The following NOS1 variants were observed in gnomAD, a reference collection of about 807,000 sequenced individuals.
NOS1 encodes the protein nitric oxide synthase 1, also known as NOS type I.
In NOS1, 51 loss-of-function variants were observed where a neutral mutation model predicts 164.5. The observed-to-expected ratio is 0.31, with a 90% CI of 0.25 to 0.39. The LOEUF is 0.39. NOS1 is among the 10% of genes least tolerant of loss of function. NOS1 has a pLI of 1.00. For synonymous variants in NOS1, 719 were observed against 745.8 expected, an observed-to-expected ratio of 0.96 and a Z score of 0.59; for missense variants, 1,362 against 1,885.6, an observed-to-expected ratio of 0.72 and a Z score of 5.14.
At chr12:117,326,385 C>CAA (rs746345561) in intron 2 of NOS1, among the ~76,000 whole-genome samples, 1 of 25,876 alleles carries the variant, frequency 3.9e-5, no homozygotes, top group Non-Finnish European at 6.8e-5. Context: ...GACTCTGTCT[C>CAA]AAAAAAAAAA....
intron 27 of NOS1, among the ~76,000 whole-genome samples, chr12:117,218,888 G>C (rs1211792048): frequency 6.6e-6 from 1 of 152,096 alleles, no homozygotes; most frequent in East Asian, 1.9e-4. Context: ...GGCAGTGGTT[G>C]GGAGTGTGCG....
At position 117,293,279 on chromosome 12, in the gene NOS1, G is replaced by C. The variant is rs1050549270; in HGVS notation, c.853-2853C>G. ...GGTGCTAGGATTCATAATCTTCCAC[G>C]GCTCCTGGCCCTCGCCAGATCTGGT... is the stretch of plus-strand genomic sequence containing the variant. On this transcript the variant is annotated intron_variant, in intron 3 of 28. Transcript: ENST00000317775. 2.0e-5 allele frequency among the ~76,000 whole-genome samples: 3 copies of C among 152,276 alleles called. No individual in the cohort carries two copies. The East Asian group carries it at 5.8e-4, about 29-fold the overall frequency.
Position 117,234,777 on chromosome 12 carries a change from G to C in NOS1, c.3042-19C>G, listed in dbSNP as rs1300620162. 6.3e-7 allele frequency: 1 copy of C among 1,597,980 alleles called. No homozygotes were observed. Among genetic ancestry groups the C allele is most frequent in the Non-Finnish European group, 8.6e-7 (1 of 1,168,502 alleles). Reference sequence around the variant, plus strand: ...TGACCGACTGCAGGAAATTGCAGAGGAATCATAGGACAAGGGCCAGCAGCT... The same window carrying C: ...TGACCGACTGCAGGAAATTGCAGAGCAATCATAGGACAAGGGCCAGCAGCT... On this transcript the variant is annotated intron_variant, in intron 20 of 28. Transcript: ENST00000317775. This position sits in a 1 kb window ranked among gnomAD's most constrained non-coding sequence, Gnocchi z 4.3.
At position 117,215,166 on chromosome 12, in the gene NOS1, G is replaced by A; in HGVS notation, c.*143C>T. 1 of 1,330,584 alleles carries A rather than the reference G, an allele frequency of 7.5e-7. No individual in the cohort carries two copies. Among genetic ancestry groups the A allele is most frequent in the Non-Finnish European group, 9.7e-7 (1 of 1,030,702 alleles). The allele number at this position is 1,330,584 out of a possible 1,614,324, so 82.4% of individuals were successfully genotyped here. A position where few individuals can be genotyped will look rare whatever the true frequency, so the allele number is the denominator to read the frequency against. ...AGGAGGGCCGAGGAAACCACTGAGGGGCGAGAAGCCCGAGGAGGGAAACCA... is the reference window on the plus strand; with the variant it reads ...AGGAGGGCCGAGGAAACCACTGAGGAGCGAGAAGCCCGAGGAGGGAAACCA... On this transcript the variant is annotated 3_prime_UTR_variant, in exon 29 of 29. Transcript: ENST00000317775.
chr12:117,276,866 C>CT (rs1389095766), intron 9 of NOS1, among the ~76,000 whole-genome samples: 1 of 152,108 alleles, frequency 6.6e-6, no homozygotes, highest in Non-Finnish European at 1.5e-5. Context: ...GCCACATTTT[C>CT]TTTATCTATT....
At position 117,288,131 on chromosome 12, in the gene NOS1, C is replaced by T. The variant is rs1872825166; in HGVS notation, c.1070G>A (p.Gly357Glu). The T allele has an allele frequency of 6.2e-7, 1 of 1,614,066 alleles. No individual in the cohort carries two copies. The highest frequency in any genetic ancestry group is 1.3e-5 in the African/African-American group (1 of 74,924). The stretch of plus-strand genomic sequence containing the variant: ...CTCTTTGGCGAGAGGGAAGAGCTGT[C>T]CTTTTGTGCGGACGTCTTCAGGCCT... ...ARRPEDVRTK[G>E]QLFPLAKEFI... Residue 357 changes from glycine (G) to glutamate (E), a missense_variant, in exon 5 of 29, where the codon GGA becomes GAA. Physicochemically the swap from Gly to Glu is moderately conservative, Grantham distance 98 (BLOSUM62 -2). Transcript: ENST00000317775.
Position 117,243,541 on chromosome 12 carries a change from C to CCA in NOS1, c.2824-107_2824-106insTG. 8.0e-7 allele frequency: 1 copy of CCA among 1,253,196 alleles called. No individual in the cohort carries two copies. Among genetic ancestry groups the CCA allele is most frequent in the Non-Finnish European group, 1.1e-6 (1 of 899,136 alleles). 77.6% of individuals were successfully genotyped at this position (1,253,196 alleles called of 1,614,324 possible). ...TCTCTTCATTCACCCATCCATCCATCTATCCAACCATCCATCCATCCATCC... is the reference window on the plus strand; with the variant it reads ...TCTCTTCATTCACCCATCCATCCATCCATATCCAACCATCCATCCATCCATCC... On this transcript the variant is annotated intron_variant, in intron 18 of 28. Coordinates refer to ENST00000317775, the MANE Select transcript of NOS1 (RefSeq NM_000620.5). The surrounding 1 kb of genome is among the most constrained non-coding windows in gnomAD (Gnocchi z 4.3).
rs946728790 is a variant in NOS1, at chr12:117,234,919, T to G, written c.3042-161A>C. 6.6e-6 allele frequency among the ~76,000 whole-genome samples: 1 copy of G among 151,832 alleles called. No individual in the cohort carries two copies. The highest frequency in any genetic ancestry group is 2.4e-5 in the African/African-American group (1 of 41,312). On this transcript the variant is annotated intron_variant, in intron 20 of 28. Transcript: ENST00000317775. The surrounding 1 kb of genome is among the most constrained non-coding windows in gnomAD (Gnocchi z 4.3). Reference sequence around the variant, plus strand: ...GCCCCCATCATTCTATTATTATTATTATTATTATTATTATGGTGAGATAGG... The same window carrying G: ...GCCCCCATCATTCTATTATTATTATGATTATTATTATTATGGTGAGATAGG...
intron 2 of NOS1, among the ~76,000 whole-genome samples, chr12:117,328,959 G>C (rs1875396046): frequency 6.6e-6 from 1 of 152,194 alleles, no homozygotes; most frequent in Non-Finnish European, 1.5e-5. Flanking sequence ...GCATGTGACT[G>C]TACGGAATGC....
intron 3 of NOS1, among the ~76,000 whole-genome samples, chr12:117,295,108 A>T (rs1005545377): frequency 3.3e-5 from 5 of 152,070 alleles, no homozygotes; most frequent in Non-Finnish European, 5.9e-5. Flanking sequence ...GTGCATATTG[A>T]GCACCTACTA....
chr12:117,244,087 A>G (rs940329528), intron 18 of NOS1, among the ~76,000 whole-genome samples: 2 of 152,230 alleles, frequency 1.3e-5, no homozygotes, highest in African/African-American at 2.4e-5. Context: ...GAAAGTAAAC[A>G]TCTCAGAATT....
chr12:117,271,409 C>T (rs1356063354), intron 10 of NOS1, among the ~76,000 whole-genome samples: 2 of 152,084 alleles, frequency 1.3e-5, no homozygotes, highest in Non-Finnish European at 2.9e-5. Flanking sequence ...TTCTGAGTAG[C>T]TGGGATTATA....
chr12:117,300,120 T>C (rs1194495558), intron 3 of NOS1, among the ~76,000 whole-genome samples: 2 of 152,088 alleles, frequency 1.3e-5, no homozygotes, highest in Non-Finnish European at 2.9e-5. Context: ...GAAATGGAAA[T>C]AGGCTGGGGC....
Position 117,259,350 on chromosome 12 carries a change from G to A in NOS1, c.2368-220C>T, listed in dbSNP as rs9658430. Among the ~76,000 whole-genome samples, 748 of 152,288 alleles carry A rather than the reference G, an allele frequency of 4.9e-3. 3 individuals carry two copies. The highest frequency in any genetic ancestry group is 0.017 in the African/African-American group (721 of 41,548). On this transcript the variant is annotated intron_variant, in intron 14 of 28. Coordinates refer to ENST00000317775, the MANE Select transcript of NOS1 (RefSeq NM_000620.5). ...GTAGAACTAAACGCTTTTTGGTAGC[G>A]TGGGACCTTGCTATGGTCACTGTGG...
chr12:117,348,017 A>ATTTTTTT (rs5801226), intron 1 of NOS1: 1 of 101,878 alleles, frequency 9.8e-6, no homozygotes, highest in Non-Finnish European at 1.9e-5. Context: ...GATCCCCTAC[A>ATTTTTTT]TTTTTTTTTT....
rs546432440 is a variant in NOS1, at chr12:117,212,301, C to T, written c.*3008G>A. The T allele has an allele frequency of 1.9e-4, 190 of 985,322 alleles. No individual in the cohort carries two copies. In the African/African-American group the frequency reaches 2.8e-3, roughly 14 times the overall value. The allele number at this position is 985,322 out of a possible 1,614,324, so 61.0% of individuals were successfully genotyped here. The stretch of plus-strand genomic sequence containing the variant: ...GCAGACTCTAAAAGGTCAAGTGAGC[C>T]GCCCACAGCCATCTGCACCAACAGG... On this transcript the variant is annotated 3_prime_UTR_variant, in exon 29 of 29. Transcript: ENST00000317775.
chr12:117,305,838 C>G (rs1377929728), intron 3 of NOS1, among the ~76,000 whole-genome samples: 3 of 150,026 alleles, frequency 2.0e-5, no homozygotes, highest in Non-Finnish European at 4.4e-5. Context: ...CTTGCCTAGG[C>G]TGGAGTGCAG....
At position 117,210,342 on chromosome 12, in the gene NOS1, G is replaced by A. The variant is rs1002512185; in HGVS notation, c.*4967C>T. 2.0e-6 allele frequency: 2 copies of A among 985,174 alleles called. No homozygotes were observed. Among genetic ancestry groups the A allele is most frequent in the African/African-American group, 3.5e-5 (2 of 57,178 alleles). 61.0% of individuals were successfully genotyped at this position (985,174 alleles called of 1,614,324 possible). A position where few individuals can be genotyped will look rare whatever the true frequency, so the allele number is the denominator to read the frequency against. On this transcript the variant is annotated 3_prime_UTR_variant, in exon 29 of 29. Coordinates refer to ENST00000317775, the MANE Select transcript of NOS1 (RefSeq NM_000620.5). ...TATGAAGGTTGGGGACAGCCAGAGA[G>A]TATGAATGGGTTATAAAGGAAGACT...
intron 7 of NOS1, among the ~76,000 whole-genome samples, chr12:117,281,105 C>G (rs1306041306): frequency 6.6e-6 from 1 of 152,154 alleles, no homozygotes; most frequent in African/African-American, 2.4e-5. Context: ...TGCCACCATG[C>G]TGAAGGAAAG....
Sources: allele counts gnomAD v4.1 joint callset (sites outside exome capture counted in the v4.1 genomes callset), GRCh38; gene constraint gnomAD v4.1.1; non-coding constraint Gnocchi (gnomAD v3.1); transcripts MANE v1.5; gene names NCBI Gene and HGNC (gene_info 2026-07-23, HGNC 2026-07-21).